ASH1L: variants seen among roughly 807,000 people sequenced by gnomAD.
ASH1L encodes the protein ASH1 like histone lysine methyltransferase.
In ASH1L, 23 loss-of-function variants were observed where a neutral mutation model predicts 269.0. The ratio of observed to expected loss-of-function variants is 0.09; its 90% CI spans 0.06 to 0.12. ASH1L has a LOEUF of 0.12. ASH1L is among the 10% of genes least tolerant of loss of function. ASH1L has a pLI of 1.00. For missense variants in ASH1L, 2,912 were observed against 3,567.8 expected (o/e 0.82, Z 4.68); for synonymous variants, 1,187 against 1,253.5 (o/e 0.95, Z 1.12).
intron 6 of ASH1L, among the ~76,000 whole-genome samples, chr1:155,415,197 C>T (rs1352991310): frequency 6.6e-6 from 1 of 151,940 alleles, no homozygotes; most frequent in East Asian, 1.9e-4. Flanking sequence ...TCCTGGCTAA[C>T]ATGGTGAAAC....
intron 4 of ASH1L, among the ~76,000 whole-genome samples, chr1:155,456,575 C>T (rs187769445): frequency 4.4e-4 from 67 of 152,270 alleles, no homozygotes; most frequent in African/African-American, 1.6e-3. Context: ...GTCCCCATCA[C>T]CTCACTTAAC....
At chr1:155,493,929 G>C (rs568297436) in intron 2 of ASH1L, among the ~76,000 whole-genome samples, 1 of 151,606 alleles carries the variant, frequency 6.6e-6, no homozygotes, top group South Asian at 2.1e-4. Flanking sequence ...ACCTACTATT[G>C]AGCACTGAGG....
At chr1:155,355,258 C>T (rs1654275895) in intron 15 of ASH1L, among the ~76,000 whole-genome samples, 2 of 152,224 alleles carry the variant, frequency 1.3e-5, no homozygotes, top group African/African-American at 4.8e-5. Flanking sequence ...CCCATGTTGG[C>T]CAGGCTGGTC....
chr1:155,349,587 C>T lies in ASH1L; in HGVS notation c.7376G>A (p.Arg2459Gln), dbSNP rs150689346. ...CAAAAGTGGAGCTGCCAGTGCTTGC[C>T]GGGAAGAATCTGCAAAAGAATGTGA... ...DGIISYKDSSRQALAAPLLNL... is the reference protein window; with the variant it reads ...DGIISYKDSSQQALAAPLLNL... The change falls in exon 18 of 28, where the codon CGG becomes CAG. Residue 2459 changes from arginine (R) to glutamine (Q), a missense_variant. Around this residue, in one of 13 missense-constraint regions of ASH1L, gnomAD observed 309 missense variants for 435.1 expected, o/e 0.71. Coordinates refer to ENST00000392403, the MANE Select transcript of ASH1L (RefSeq NM_018489.3). 6.8e-6 allele frequency: 11 copies of T among 1,613,494 alleles called. No homozygotes were observed. The highest frequency in any genetic ancestry group is 4.5e-5 in the East Asian group (2 of 44,870).
At chr1:155,511,936 A>G (rs201863729) in intron 2 of ASH1L, among the ~76,000 whole-genome samples, 1 of 151,648 alleles carries the variant, frequency 6.6e-6, no homozygotes, top group Admixed American at 6.6e-5. Context: ...TCAGCCTCCC[A>G]AGTAGCTGGG....
rs542399368 is a variant in ASH1L, at chr1:155,423,116, T to C, written c.5829-7193A>G. Among the ~76,000 whole-genome samples the C allele has an allele frequency of 2.6e-5, 4 of 151,866 alleles. No homozygotes were observed. The South Asian group carries it at 8.3e-4, about 32-fold the overall frequency. On this transcript the variant is annotated intron_variant, in intron 5 of 27. Transcript: ENST00000392403. Reference sequence around the variant, plus strand: ...GGTACCTACCACCATGCCCAGCTAATTTTTGCATTTTTAGTAGAGACAGTG... The same window carrying C: ...GGTACCTACCACCATGCCCAGCTAACTTTTGCATTTTTAGTAGAGACAGTG...
intron 3 of ASH1L, among the ~76,000 whole-genome samples, chr1:155,466,260 A>G (rs917938220): frequency 6.6e-6 from 1 of 152,156 alleles, no homozygotes; most frequent in African/African-American, 2.4e-5. Flanking sequence ...AGGCTGAGGC[A>G]GGAGAATGGC....
intron 2 of ASH1L, among the ~76,000 whole-genome samples, chr1:155,518,233 CT>C: frequency 6.6e-6 from 1 of 152,120 alleles, no homozygotes; most frequent in East Asian, 1.9e-4. Context: ...ATATACAAAA[CT>C]TAAATACAAA....
chr1:155,559,773 A>T (rs1671833897), intron 1 of ASH1L, among the ~76,000 whole-genome samples: 1 of 152,104 alleles, frequency 6.6e-6, no homozygotes, highest in South Asian at 2.1e-4. Context: ...AAGCACAGAG[A>T]CCATATATTA....
chr1:155,341,235 G>A (rs1652770134), intron 25 of ASH1L, among the ~76,000 whole-genome samples: 3 of 151,104 alleles, frequency 2.0e-5, no homozygotes, highest in Middle Eastern at 3.4e-3. Flanking sequence ...GGAGTGCAGT[G>A]GCGTGATCTT....
intron 2 of ASH1L, among the ~76,000 whole-genome samples, chr1:155,484,937 A>C (rs1420397481): frequency 2.1e-5 from 3 of 139,948 alleles, no homozygotes; most frequent in Admixed American, 2.1e-4. Context: ...TCAAAAAAAA[A>C]AAAAAACAAA....
chr1:155,511,412 C>G (rs1165444916), intron 2 of ASH1L, among the ~76,000 whole-genome samples: 3 of 152,238 alleles, frequency 2.0e-5, no homozygotes, highest in Non-Finnish European at 4.4e-5. Context: ...TTTATTCCCT[C>G]TCTGGAGACT....
chr1:155,350,119 C>T (rs1653761131), intron 17 of ASH1L, among the ~76,000 whole-genome samples: 2 of 152,022 alleles, frequency 1.3e-5, no homozygotes, highest in South Asian at 4.1e-4. Flanking sequence ...TCGATCTGAC[C>T]TCGTGATCTG....
chr1:155,376,651 C>G (rs1274553913), intron 10 of ASH1L, among the ~76,000 whole-genome samples: 1 of 151,752 alleles, frequency 6.6e-6, no homozygotes, highest in East Asian at 1.9e-4. Context: ...CGCACTCCAG[C>G]CTGGCGACAG....
At position 155,437,475 on chromosome 1, in the gene ASH1L, A is replaced by T. The variant is rs551559623; in HGVS notation, c.5828+852T>A. ...AAGTGTTGGTGAGGATGTAAACTGA[A>T]ATCCTTGTGCATTGTAACTGAAATC... On this transcript the variant is annotated intron_variant, in intron 5 of 27. Coordinates refer to ENST00000392403, the MANE Select transcript of ASH1L (RefSeq NM_018489.3). 5.0e-4 allele frequency among the ~76,000 whole-genome samples: 76 copies of T among 152,296 alleles called. 1 individual carries two copies. Among genetic ancestry groups the T allele is most frequent in the African/African-American group, 1.8e-3 (75 of 41,562 alleles).
chr1:155,482,364 C>G lies in ASH1L; in HGVS notation c.506G>C (p.Gly169Ala), dbSNP rs371817037. 1 of 1,614,156 alleles carries G rather than the reference C, an allele frequency of 6.2e-7. No homozygotes were observed. The highest frequency in any genetic ancestry group is 8.5e-7 in the Non-Finnish European group (1 of 1,180,004). The change falls in exon 3 of 28, where the codon GGA becomes GCA. Residue 169 changes from glycine (G) to alanine (A), a missense_variant. Transcript: ENST00000392403. ...CTTCTTAGACAAAGGATTGTTTTCT[C>G]CCTGTGAATGAAGACGGATGACTTC... Reference protein sequence around the residue: ...SEEVIRLHSQGENNPLSKKLS... With the variant: ...SEEVIRLHSQAENNPLSKKLS...
chr1:155,556,503 G>T (rs775192847), intron 1 of ASH1L, among the ~76,000 whole-genome samples: 8 of 151,752 alleles, frequency 5.3e-5, no homozygotes, highest in Non-Finnish European at 7.4e-5. Context: ...GGAGTGCAGT[G>T]GCGTGATCTC....
At chr1:155,518,586 A>G (rs1668650763) in intron 2 of ASH1L, among the ~76,000 whole-genome samples, 1 of 152,002 alleles carries the variant, frequency 6.6e-6, no homozygotes, top group South Asian at 2.1e-4. Context: ...CAAAGAAGAT[A>G]CACAAATGGC....
chr1:155,531,642 T>G (rs186144008), intron 1 of ASH1L, among the ~76,000 whole-genome samples: 36 of 151,460 alleles, frequency 2.4e-4, no homozygotes, highest in African/African-American at 7.1e-4. Flanking sequence ...AACATTTATT[T>G]CCCCCCCTAA....
Sources: allele counts gnomAD v4.1 joint callset (sites outside exome capture counted in the v4.1 genomes callset), GRCh38; gene constraint gnomAD v4.1.1; regional missense constraint gnomAD v4.1.1; transcripts MANE v1.5; gene names NCBI Gene and HGNC (gene_info 2026-07-23, HGNC 2026-07-21).